CEP295: variants seen among roughly 807,000 people sequenced by gnomAD.
CEP295 encodes the protein centrosomal protein 295.
In CEP295, 190 loss-of-function variants were observed where a neutral mutation model predicts 291.6. The ratio of observed to expected loss-of-function variants is 0.65; its 90% confidence interval spans 0.58 to 0.73. CEP295 has a LOEUF of 0.73. Among genes scored for constraint, CEP295 ranks in the 30% least tolerant of loss-of-function variants. The pLI is 0.00. For synonymous variants in CEP295, 993 were observed against 1,038.8 expected, an observed-to-expected ratio of 0.96 and a Z score of 0.85; for missense variants, 2,863 against 2,949.4, an observed-to-expected ratio of 0.97 and a Z score of 0.68.
At chr11:93,691,637 GACAATGATTATATATTCAAA>G in intron 10 of CEP295, 26 bp from the exon 11 acceptor site, 1 of 1,266,868 alleles carries the variant, frequency 7.9e-7, no homozygotes, top group Non-Finnish European at 1.1e-6. Context: ...CTTTAAGTTT[GACAATGATTATATATTCAAA>G]ATAACAGTGG....
In CEP295 at chr11:93,707,266, A is replaced by G. The variant is rs560252277; in HGVS notation, c.5749+369A>G. On this transcript the variant is annotated intron_variant, in intron 18 of 29. Transcript: ENST00000325212. Reference sequence around the variant, plus strand: ...AGCTGTTTTATGTTTATTTTTAAATATTTGGAAAAATAAAGATAATTAGAA... The same window carrying G: ...AGCTGTTTTATGTTTATTTTTAAATGTTTGGAAAAATAAAGATAATTAGAA... 3.3e-5 allele frequency among the ~76,000 whole-genome samples: 5 copies of G among 152,292 alleles called. No homozygotes were observed. The South Asian group carries it at 1.0e-3, about 32-fold the overall frequency.
At chr11:93,693,169 C>T (rs1489884664) in intron 12 of CEP295, among the ~76,000 whole-genome samples, 1 of 150,884 alleles carries the variant, frequency 6.6e-6, no homozygotes, top group East Asian at 2.0e-4. Context: ...CCCAGCTACT[C>T]AGGAGGCTGA....
chr11:93,662,755 A>AT (rs2134738157), intron 1 of CEP295, among the ~76,000 whole-genome samples: 1 of 152,344 alleles, frequency 6.6e-6, no homozygotes, highest in African/African-American at 2.4e-5. Context: ...TCAATGGGCA[A>AT]AAGTATGATG....
chr11:93,713,584 A>G (rs920403430), intron 18 of CEP295, among the ~76,000 whole-genome samples: 2 of 152,076 alleles, frequency 1.3e-5, no homozygotes, highest in South Asian at 4.1e-4. Flanking sequence ...TGCTGCTTTT[A>G]GGATTCTTTC....
chr11:93,674,158 T>G (rs1950577795), intron 5 of CEP295, among the ~76,000 whole-genome samples: 1 of 151,912 alleles, frequency 6.6e-6, no homozygotes, highest in Non-Finnish European at 1.5e-5. Context: ...AAATGGAGTT[T>G]TACCATGTTG....
Position 93,691,787 on chromosome 11 carries a change from TA to T in CEP295, c.1429+13del. 6.8e-7 allele frequency: 1 copy of T among 1,481,172 alleles called. No homozygotes were observed. The allele number at this position is 1,481,172 out of a possible 1,614,324, so 91.8% of individuals were successfully genotyped here. On this transcript the variant is annotated intron_variant, in intron 11 of 29. Transcript: ENST00000325212. ...TGGAAAAGAACAAGGTATTTCTTTT[TA>T]TCACATCCTCAAATTAAATTTGACT...
chr11:93,709,688 G>A (rs1952766436), intron 18 of CEP295, among the ~76,000 whole-genome samples: 1 of 151,930 alleles, frequency 6.6e-6, no homozygotes, highest in Admixed American at 6.6e-5. Flanking sequence ...GAATATCATT[G>A]GTATTTTGAT....
chr11:93,666,683 A>T lies in CEP295; in HGVS notation c.-25A>T. 1 of 1,145,946 alleles carries T rather than the reference A, an allele frequency of 8.7e-7. No individual in the cohort carries two copies. Among genetic ancestry groups the T allele is most frequent in the Non-Finnish European group, 1.2e-6 (1 of 800,334 alleles). 71.0% of individuals were successfully genotyped at this position (1,145,946 alleles called of 1,614,324 possible). On this transcript the variant is annotated splice_region_variant and 5_prime_UTR_variant, in exon 2 of 30. Coordinates refer to ENST00000325212, the MANE Select transcript of CEP295 (RefSeq NM_033395.2). Reference sequence around the variant, plus strand: ...AGACATTTTCCTTTTTGAATTCAGAACTGTCATACATAAAGTACACAGAAA... The same window carrying T: ...AGACATTTTCCTTTTTGAATTCAGATCTGTCATACATAAAGTACACAGAAA...
intron 9 of CEP295, among the ~76,000 whole-genome samples, chr11:93,685,241 C>G (rs529940439): frequency 6.8e-4 from 103 of 152,302 alleles, no homozygotes; most frequent in Admixed American, 1.4e-3. Flanking sequence ...TGTTTAAAAC[C>G]ACTGAGGCTT....
chr11:93,729,941 CA>C lies in CEP295; in HGVS notation c.7640del (p.Gln2547ArgfsTer3). On this transcript the variant is annotated frameshift_variant, in exon 28 of 30. Coordinates refer to ENST00000325212, the MANE Select transcript of CEP295 (RefSeq NM_033395.2). LOFTEE classifies it high-confidence loss of function. The stretch of plus-strand genomic sequence containing the variant: ...TTTTCCTGAAGACAGAAAGACTACA[CA>C]GGCTCTAAGGCACCAAAGGGGTCTA... ...ASFPEDRKTTQALRHQRGLRL... is the reference protein window; with the variant it reads ...ASFPEDRKTTXALRHQRGLRL... 1 of 1,548,138 alleles carries C rather than the reference CA, an allele frequency of 6.5e-7. No individual in the cohort carries two copies. The highest frequency in any genetic ancestry group is 8.7e-7 in the Non-Finnish European group (1 of 1,146,154).
chr11:93,692,135 T>C (rs1951588980), intron 12 of CEP295, 105 bp downstream of exon 12: 2 of 652,936 alleles, frequency 3.1e-6, no homozygotes, highest in Non-Finnish European at 5.3e-6. Context: ...AATTTTGATA[T>C]CATGTTTTTG....
chr11:93,693,472 C>T lies in CEP295; in HGVS notation c.1533+1442C>T, dbSNP rs572812940. 3.9e-5 allele frequency among the ~76,000 whole-genome samples: 6 copies of T among 152,202 alleles called. No individual in the cohort carries two copies. In the East Asian group the frequency reaches 1.2e-3, roughly 29 times the overall value. ...ATTTCTTCTCAGATAAATACTTTCT[C>T]AGGCCAGGTGCAGTGGCTCATATCT... On this transcript the variant is annotated intron_variant, in intron 12 of 29. Coordinates refer to ENST00000325212, the MANE Select transcript of CEP295 (RefSeq NM_033395.2).
intron 12 of CEP295, among the ~76,000 whole-genome samples, chr11:93,693,686 G>GT (rs1291529529): frequency 6.6e-6 from 1 of 152,100 alleles, no homozygotes; most frequent in Non-Finnish European, 1.5e-5. Context: ...AACCCAAGAG[G>GT]TGGAGGTTGC....
intron 27 of CEP295, 26 bp from the exon 28 acceptor site, chr11:93,729,844 A>T: frequency 6.5e-7 from 1 of 1,536,564 alleles, no homozygotes; most frequent in Non-Finnish European, 8.8e-7. Flanking sequence ...TGTGTTTACA[A>T]CTTGATTTCA....
intron 5 of CEP295, among the ~76,000 whole-genome samples, chr11:93,670,233 T>C (rs986039884): frequency 3.3e-5 from 5 of 152,122 alleles, no homozygotes; most frequent in African/African-American, 4.8e-5. Context: ...ATGGTCAATA[T>C]TTTACAGATA....
intron 18 of CEP295, among the ~76,000 whole-genome samples, chr11:93,712,855 T>TG (rs1953000405): frequency 1.2e-5 from 1 of 82,412 alleles, no homozygotes; most frequent in African/African-American, 4.3e-5. Flanking sequence ...CTTTCTTCTG[T>TG]TTTGTTGTTG....
intron 18 of CEP295, among the ~76,000 whole-genome samples, chr11:93,718,478 T>C (rs1290291933): frequency 2.0e-5 from 3 of 152,226 alleles, no homozygotes; most frequent in African/African-American, 7.2e-5. Context: ...CTCTTCCAGC[T>C]TTCAGGGACC....
intron 5 of CEP295, among the ~76,000 whole-genome samples, chr11:93,673,057 A>G (rs912026119): frequency 6.6e-6 from 1 of 152,218 alleles, no homozygotes; most frequent in African/African-American, 2.4e-5. Flanking sequence ...GCATTGATTT[A>G]AAGTCTACTA....
chr11:93,664,482 A>G (rs1950123075), intron 1 of CEP295, among the ~76,000 whole-genome samples: 1 of 152,368 alleles, frequency 6.6e-6, no homozygotes, highest in South Asian at 2.1e-4. Flanking sequence ...CCGTGTGAAT[A>G]TTAGATGAGT....
Sources: gnomAD v4.1 joint callset for allele counts (sites outside exome capture counted in the v4.1 genomes callset) on GRCh38, gnomAD v4.1.1 for gene constraint, MANE v1.5 for transcripts, NCBI Gene and HGNC (gene_info 2026-07-23, HGNC 2026-07-21) for gene names.